Variants in CD226 observed in about 807,000 individuals in gnomAD.
CD226 encodes CD226 molecule.
CD226 carries 24 observed loss-of-function variants against 34.9 expected under a neutral mutation model. The ratio of observed to expected loss-of-function variants is 0.69; its 90% CI spans 0.50 to 0.97. The LOEUF is 0.97. Among genes scored for constraint, CD226 ranks in the 50% least tolerant of loss-of-function variants. The pLI, the probability that CD226 is intolerant of heterozygous loss-of-function variation, is 0.00. For synonymous variants in CD226, 148 were observed against 147.4 expected, an observed-to-expected ratio of 1.00 and a Z score of -0.03; for missense variants, 397 against 412.7, an observed-to-expected ratio of 0.96 and a Z score of 0.33.
intron 2 of CD226, among the ~76,000 whole-genome samples, chr18:69,914,940 G>A (rs953694143): frequency 5.3e-5 from 8 of 152,148 alleles, no homozygotes; most frequent in Admixed American, 2.6e-4. Flanking sequence ...TTTAAAGTGA[G>A]GGAAGATTTT....
At chr18:69,920,084 C>T (rs962316145) in intron 2 of CD226, among the ~76,000 whole-genome samples, 11 of 151,976 alleles carry the variant, frequency 7.2e-5, no homozygotes, top group Non-Finnish European at 1.6e-4. Context: ...AGGCTGGTCT[C>T]GAACTCTAGG....
At chr18:69,949,413 T>C (rs760764902), upstream of CD226, among the ~76,000 whole-genome samples, 1 of 152,124 alleles carries the variant, frequency 6.6e-6, no homozygotes, top group Non-Finnish European at 1.5e-5. Context: ...ATCTATTATG[T>C]CCTATTATGT....
intron 2 of CD226, among the ~76,000 whole-genome samples, chr18:69,903,900 A>G (rs1264882432): frequency 6.6e-6 from 1 of 152,174 alleles, no homozygotes; most frequent in Non-Finnish European, 1.5e-5. Flanking sequence ...GGACACTAAT[A>G]GGGAGTAAGG....
chr18:69,959,160 C>T (rs2055918075), upstream of CD226, among the ~76,000 whole-genome samples: 1 of 152,186 alleles, frequency 6.6e-6, no homozygotes, highest in Non-Finnish European at 1.5e-5. Flanking sequence ...ATCACATGAT[C>T]GATAATAAAT....
intron 2 of CD226, among the ~76,000 whole-genome samples, chr18:69,904,078 G>A (rs1204368455): frequency 2.6e-5 from 4 of 151,962 alleles, no homozygotes; most frequent in African/African-American, 9.7e-5. Flanking sequence ...GACCAAACAA[G>A]ATAAAAAATA....
intron 2 of CD226, among the ~76,000 whole-genome samples, chr18:69,936,246 G>C (rs751804082): frequency 7.9e-5 from 12 of 151,646 alleles, no homozygotes; most frequent in Middle Eastern, 3.4e-3. Flanking sequence ...TTTGATTTTT[G>C]ATTACAGAGC....
chr18:69,874,120 C>G (rs1481580572), intron 3 of CD226, among the ~76,000 whole-genome samples: 1 of 152,156 alleles, frequency 6.6e-6, no homozygotes, highest in African/African-American at 2.4e-5. Context: ...ATTCAACTGA[C>G]CGACTCCAGC....
intron 2 of CD226, among the ~76,000 whole-genome samples, chr18:69,911,604 A>G (rs1044307159): frequency 6.6e-6 from 1 of 152,116 alleles, no homozygotes; most frequent in African/African-American, 2.4e-5. Flanking sequence ...GAATGCTAAC[A>G]CTCATATAAG....
upstream of CD226, among the ~76,000 whole-genome samples, chr18:69,958,465 C>G (rs1024571807): frequency 6.6e-6 from 1 of 152,052 alleles, no homozygotes; most frequent in African/African-American, 2.4e-5. Flanking sequence ...CAGTCTTGAC[C>G]CAAAACACCC....
At chr18:69,940,176 C>T (rs573560946) in intron 2 of CD226, among the ~76,000 whole-genome samples, 1 of 152,268 alleles carries the variant, frequency 6.6e-6, no homozygotes, top group South Asian at 2.1e-4. Flanking sequence ...TATTTGCTTC[C>T]CCTTCCACCA....
chr18:69,923,424 T>C (rs2055478915), intron 2 of CD226, among the ~76,000 whole-genome samples: 1 of 152,150 alleles, frequency 6.6e-6, no homozygotes, highest in Non-Finnish European at 1.5e-5. Context: ...TGCGAAAACG[T>C]CCTCTTTTTA....
chr18:69,896,337 G>T (rs942338369), intron 2 of CD226, among the ~76,000 whole-genome samples: 1 of 151,784 alleles, frequency 6.6e-6, no homozygotes, highest in Non-Finnish European at 1.5e-5. Context: ...GCCCGCCACC[G>T]CGCCCGGCTA....
At chr18:69,866,526 C>T (rs1983155485) in intron 5 of CD226, among the ~76,000 whole-genome samples, 1 of 152,154 alleles carries the variant, frequency 6.6e-6, no homozygotes, top group African/African-American at 2.4e-5. Flanking sequence ...TAAGTATACA[C>T]TAATAACTTA....
rs914514880 is a variant in CD226 at position 69,856,580 on chromosome 18, A to C, written c.*7734T>G. 2.0e-5 allele frequency: 3 copies of C among 152,214 alleles called. No homozygotes were observed. Among genetic ancestry groups the C allele is most frequent in the Non-Finnish European group, 4.4e-5 (3 of 68,024 alleles). 9.4% of individuals were successfully genotyped at this position (152,214 alleles called of 1,614,324 possible). ...GCCATAAAATACACCTGAAAAATTTAAAAGAATAGAAATTATACAAAGAAT... is the reference window on the plus strand; with the variant it reads ...GCCATAAAATACACCTGAAAAATTTCAAAGAATAGAAATTATACAAAGAAT... On this transcript the variant is annotated 3_prime_UTR_variant, in exon 6 of 6. Transcript: ENST00000582621.
At chr18:69,959,896 C>T (rs1481388737), upstream of CD226, among the ~76,000 whole-genome samples, 1 of 152,086 alleles carries the variant, frequency 6.6e-6, no homozygotes, top group South Asian at 2.1e-4. Context: ...TCCTCTTCCC[C>T]GAGTAGCTGA....
chr18:69,936,810 T>C (rs1401664864), intron 2 of CD226, among the ~76,000 whole-genome samples: 1 of 152,112 alleles, frequency 6.6e-6, no homozygotes, highest in Non-Finnish European at 1.5e-5. Flanking sequence ...ATACATATGA[T>C]AGACAAAACT....
chr18:69,894,104 G>C (rs1985064261), intron 3 of CD226, among the ~76,000 whole-genome samples: 2 of 151,366 alleles, frequency 1.3e-5, no homozygotes, highest in African/African-American at 2.4e-5. Context: ...CAGAGTGAAA[G>C]AAGGAAGGAA....
chr18:69,926,472 C>T (rs1456665346), intron 2 of CD226, among the ~76,000 whole-genome samples: 2 of 152,100 alleles, frequency 1.3e-5, no homozygotes, highest in African/African-American at 4.8e-5. Context: ...AGCGTTATTT[C>T]ATACCATCAT....
upstream of CD226, among the ~76,000 whole-genome samples, chr18:69,949,902 A>T (rs972422313): frequency 2.0e-5 from 3 of 151,944 alleles, no homozygotes; most frequent in Non-Finnish European, 2.9e-5. Context: ...TCTCAATCAC[A>T]TGCATGTGCA....
Sources: gnomAD v4.1 joint callset for allele counts (sites outside exome capture counted in the v4.1 genomes callset) on GRCh38, gnomAD v4.1.1 for gene constraint, MANE v1.5 for transcripts, NCBI Gene and HGNC (gene_info 2026-07-23, HGNC 2026-07-21) for gene names.